The following MYRIP variants were observed in gnomAD, a reference collection of about 807,000 sequenced individuals.
The protein encoded by MYRIP is rab effector MyRIP.
In MYRIP, 49 loss-of-function variants were observed where a neutral mutation model predicts 98.0. The ratio of observed to expected loss-of-function variants is 0.50; its 90% confidence interval spans 0.40 to 0.63. The LOEUF is 0.63. Among genes scored for constraint, MYRIP ranks in the 30% least tolerant of loss-of-function variants. The pLI, the probability that MYRIP is intolerant of heterozygous loss-of-function variation, is 0.00. For synonymous variants in MYRIP, 404 were observed against 409.5 expected (o/e 0.99, Z 0.16); for missense variants, 1,004 against 1,058.2 (o/e 0.95, Z 0.71).
At chr3:40,218,612 T>TTATATATA (rs751894190) in intron 11 of MYRIP, among the ~76,000 whole-genome samples, 116 of 13,456 alleles carry the variant, frequency 8.6e-3, no homozygotes, top group South Asian at 0.017. Context: ...TATATATATT[T>TTATATATA]TATATATATA....
intron 10 of MYRIP, among the ~76,000 whole-genome samples, chr3:40,208,793 C>G (rs1351229585): frequency 9.2e-5 from 14 of 152,160 alleles, no homozygotes; most frequent in Non-Finnish European, 2.1e-4. Flanking sequence ...CTGTGAGAAT[C>G]CCTTCCCTTC....
chr3:39,812,977 T>C (rs1343451401), intron 1 of MYRIP, among the ~76,000 whole-genome samples: 1 of 152,188 alleles, frequency 6.6e-6, no homozygotes, highest in East Asian at 1.9e-4. Context: ...CAGGTGCTTG[T>C]TGGAGGGAGC....
At chr3:39,837,066 G>A (rs868691788) in intron 1 of MYRIP, among the ~76,000 whole-genome samples, 3 of 151,982 alleles carry the variant, frequency 2.0e-5, no homozygotes, top group Non-Finnish European at 4.4e-5. Flanking sequence ...GTAACCTTTC[G>A]GCCTTCCAAA....
intron 2 of MYRIP, among the ~76,000 whole-genome samples, chr3:39,952,188 AT>A (rs1945033821): frequency 6.6e-6 from 1 of 152,176 alleles, no homozygotes; most frequent in South Asian, 2.1e-4. Flanking sequence ...TTAGCATACT[AT>A]TTTTTAGTTT....
Position 40,204,047 on chromosome 3 carries a change from AATATATTT to A in MYRIP, c.1666-5800_1666-5793del, listed in dbSNP as rs1951692527. ...ATTATATATATTATATATTATATAT[AATATATTT>A]ATATATAATAAATATTATATAATAT... On this transcript the variant is annotated intron_variant, in intron 10 of 16. Coordinates refer to ENST00000302541, the MANE Select transcript of MYRIP (RefSeq NM_015460.4). Among the ~76,000 whole-genome samples the A allele has an allele frequency of 4.2e-4, 3 of 7,138 alleles. 1 individual carries two copies. The highest frequency in any genetic ancestry group is 0.012 in the East Asian group (1 of 84). The allele number at this position is 7,138 out of a possible 152,430, so 4.7% of individuals were successfully genotyped here.
chr3:40,034,355 T>C lies in MYRIP; in HGVS notation c.111-9695T>C, dbSNP rs1387847211. 9.2e-5 allele frequency among the ~76,000 whole-genome samples: 14 copies of C among 152,010 alleles called. 1 individual carries two copies. Among genetic ancestry groups the C allele is most frequent in the African/African-American group, 3.4e-4 (14 of 41,382 alleles). On this transcript the variant is annotated intron_variant, in intron 2 of 16. Transcript: ENST00000302541. ...AAGGGCTAATATCCAGAATTTTCAG[T>C]GAACTCAAACAAATTTACAAGAAAA...
chr3:39,907,080 G>A (rs769459320), intron 2 of MYRIP, among the ~76,000 whole-genome samples: 3 of 151,666 alleles, frequency 2.0e-5, no homozygotes, highest in African/African-American at 4.9e-5. Flanking sequence ...CTTGAGTACC[G>A]AACTCCTGAG....
At position 40,056,739 on chromosome 3, in the gene MYRIP, A is replaced by C. The variant is rs996032551; in HGVS notation, c.332+12468A>C. ...ATTAATAGATTAGATTTCACTAAGG[A>C]GCTTTAGTTTAATAGATGGAATTGG... On this transcript the variant is annotated intron_variant, in intron 3 of 16. Coordinates refer to ENST00000302541, the MANE Select transcript of MYRIP (RefSeq NM_015460.4). 2.6e-5 allele frequency among the ~76,000 whole-genome samples: 4 copies of C among 151,358 alleles called. No individual in the cohort carries two copies. The Admixed American group carries it at 2.6e-4, about 10-fold the overall frequency.
At chr3:40,098,778 G>GTGTGTGTGTGTA (rs1233359910) in intron 3 of MYRIP, among the ~76,000 whole-genome samples, 15 of 149,502 alleles carry the variant, frequency 1.0e-4, no homozygotes, top group African/African-American at 3.7e-4. Flanking sequence ...GTGTGTGTGT[G>GTGTGTGTGTGTA]TCTTCTTACA....
At chr3:39,945,492 GAAAAAA>G (rs1944881471) in intron 2 of MYRIP, among the ~76,000 whole-genome samples, 1 of 119,500 alleles carries the variant, frequency 8.4e-6, no homozygotes, top group African/African-American at 3.6e-5. Flanking sequence ...AAAAAAAAAA[GAAAAAA>G]GAAAAAAAAA....
chr3:39,931,736 A>G (rs1176205580), intron 2 of MYRIP, among the ~76,000 whole-genome samples: 4 of 152,122 alleles, frequency 2.6e-5, no homozygotes, highest in African/African-American at 9.7e-5. Flanking sequence ...GATTTTGTCA[A>G]ATATTTTTTC....
At chr3:40,098,581 C>T (rs966971398) in intron 3 of MYRIP, among the ~76,000 whole-genome samples, 1 of 152,188 alleles carries the variant, frequency 6.6e-6, no homozygotes, top group African/African-American at 2.4e-5. Flanking sequence ...TCCATGCATA[C>T]TCACAGAGGG....
At chr3:39,954,394 C>G (rs1405077322) in intron 2 of MYRIP, among the ~76,000 whole-genome samples, 1 of 152,114 alleles carries the variant, frequency 6.6e-6, no homozygotes, top group Non-Finnish European at 1.5e-5. Context: ...GGGTGATACC[C>G]AGGCAAACAT....
intron 11 of MYRIP, among the ~76,000 whole-genome samples, chr3:40,211,479 T>G (rs1951925082): frequency 6.6e-6 from 1 of 152,116 alleles, no homozygotes; most frequent in Admixed American, 6.5e-5. Context: ...TCCTCACCCA[T>G]AAATCTTTCC....
At chr3:39,873,060 G>A (rs535518799) in intron 1 of MYRIP, among the ~76,000 whole-genome samples, 3 of 152,168 alleles carry the variant, frequency 2.0e-5, no homozygotes. Context: ...TCTCATTGTG[G>A]TTTTGATTTG....
At chr3:40,100,352 T>C in intron 3 of MYRIP, 2 of 885,694 alleles carry the variant, frequency 2.3e-6, no homozygotes, top group Non-Finnish European at 2.7e-6. Flanking sequence ...CTGATTGTTT[T>C]CATTGATGTT....
At chr3:39,842,060 C>A (rs1016139551) in intron 1 of MYRIP, among the ~76,000 whole-genome samples, 5 of 152,164 alleles carry the variant, frequency 3.3e-5, no homozygotes. Context: ...TGCCCACAGC[C>A]GCCCCTCCCC....
intron 7 of MYRIP, among the ~76,000 whole-genome samples, chr3:40,168,242 A>G (rs180986645): frequency 1.5e-4 from 23 of 152,372 alleles, no homozygotes; most frequent in African/African-American, 5.0e-4. Flanking sequence ...GACCAAATAC[A>G]GATGCTCCTG....
intron 16 of MYRIP, 94 bp downstream of exon 16, chr3:40,252,093 C>A (rs566727951): frequency 4.2e-6 from 4 of 947,682 alleles, no homozygotes; most frequent in African/African-American, 1.6e-5. Context: ...GCATCAGAAC[C>A]CCCAAAAAGT....
Sources: gnomAD v4.1 joint callset for allele counts (sites outside exome capture counted in the v4.1 genomes callset) on GRCh38, gnomAD v4.1.1 for gene constraint, MANE v1.5 for transcripts, NCBI Gene and HGNC (gene_info 2026-07-23, HGNC 2026-07-21) for gene names.